The following ASB4 variants were observed in gnomAD, a reference collection of about 807,000 sequenced individuals.
ASB4 encodes ankyrin repeat and SOCS box containing 4.
ASB4 carries 35 observed loss-of-function variants against 38.6 expected under a neutral mutation model. The observed-to-expected ratio is 0.91, with a 90% confidence interval of 0.69 to 1.20. ASB4 has a LOEUF of 1.20. Among genes scored for constraint, ASB4 ranks in the 50% most tolerant of loss-of-function variants. ASB4 has a pLI of 0.00. For missense variants in ASB4, 557 were observed against 527.2 expected, an observed-to-expected ratio of 1.06 and a Z score of -0.55; for synonymous variants, 195 against 201.3, an observed-to-expected ratio of 0.97 and a Z score of 0.26.
At chr7:95,504,980 C>A (rs539439767) in intron 2 of ASB4, among the ~76,000 whole-genome samples, 1 of 152,362 alleles carries the variant, frequency 6.6e-6, no homozygotes, top group African/African-American at 2.4e-5. Context: ...GAAACACAAC[C>A]TTAAGCAGTG....
chr7:95,498,898 G>T (rs918881994), intron 2 of ASB4, among the ~76,000 whole-genome samples: 1 of 152,180 alleles, frequency 6.6e-6, no homozygotes, highest in Non-Finnish European at 1.5e-5. Context: ...TTGTTGAAAA[G>T]AATATTCTTT....
At chr7:95,517,766 G>A (rs1287405533) in intron 2 of ASB4, among the ~76,000 whole-genome samples, 1 of 152,134 alleles carries the variant, frequency 6.6e-6, no homozygotes, top group Admixed American at 6.6e-5. Flanking sequence ...AGGTTTGATG[G>A]ACTGAGGAGT....
rs528897184 is a variant in ASB4, at chr7:95,497,561, G to C, written c.487+1504G>C. ...ATTAAATCCATTTTTTAAAAAGTCAGTTTATGGAGGTATAATTTTCACTCA... is the reference window on the plus strand; with the variant it reads ...ATTAAATCCATTTTTTAAAAAGTCACTTTATGGAGGTATAATTTTCACTCA... On this transcript the variant is annotated intron_variant, in intron 2 of 4. Coordinates refer to ENST00000325885, the MANE Select transcript of ASB4 (RefSeq NM_016116.3). Among the ~76,000 whole-genome samples the C allele has an allele frequency of 7.9e-5, 12 of 152,258 alleles. No individual in the cohort carries two copies. The East Asian group carries it at 2.3e-3, about 29-fold the overall frequency.
intron 2 of ASB4, among the ~76,000 whole-genome samples, chr7:95,506,414 C>T (rs559211710): frequency 1.3e-5 from 2 of 152,206 alleles, no homozygotes; most frequent in East Asian, 3.9e-4. Flanking sequence ...CACAAGTCTT[C>T]CTAAATCTTG....
At chr7:95,528,498 G>T in intron 3 of ASB4, 195 bp downstream of exon 3, 1 of 1,432,934 alleles carries the variant, frequency 7.0e-7, no homozygotes, top group Non-Finnish European at 9.1e-7. Context: ...TTGAAATTGG[G>T]TGTGAGAGCT....
chr7:95,540,626 A>G (rs1790958747), downstream of ASB4, among the ~76,000 whole-genome samples: 1 of 152,192 alleles, frequency 6.6e-6, no homozygotes, highest in Non-Finnish European at 1.5e-5. Flanking sequence ...TTCTTAGAAA[A>G]CTTTCTGTAA....
chr7:95,515,179 T>C (rs907664713), intron 2 of ASB4, among the ~76,000 whole-genome samples: 2 of 91,568 alleles, frequency 2.2e-5, no homozygotes, highest in African/African-American at 9.7e-5. Context: ...CTTTCTTTCT[T>C]TCTTTCTTTC....
intron 2 of ASB4, among the ~76,000 whole-genome samples, chr7:95,502,100 A>T (rs983442256): frequency 7.5e-6 from 1 of 133,654 alleles, no homozygotes; most frequent in East Asian, 1.9e-4. Context: ...TAATGAGGCT[A>T]ACAACTAAAA....
chr7:95,521,796 AT>A (rs71828281), intron 2 of ASB4, among the ~76,000 whole-genome samples: 3 of 151,908 alleles, frequency 2.0e-5, no homozygotes, highest in African/African-American at 7.2e-5. Flanking sequence ...ATAATAGTAT[AT>A]TTTTTAAATG....
intron 1 of ASB4, among the ~76,000 whole-genome samples, chr7:95,479,240 C>T (rs920670036): frequency 4.6e-5 from 7 of 152,160 alleles, no homozygotes; most frequent in African/African-American, 1.7e-4. Context: ...CTCAGTCTGA[C>T]GGTCTTTCAC....
the ASB4 span, among the ~76,000 whole-genome samples, chr7:95,550,222 G>T: frequency 6.6e-6 from 1 of 152,128 alleles, no homozygotes; most frequent in African/African-American, 2.4e-5. Context: ...TTGCACAGCA[G>T]GTCTAAAAGT....
At chr7:95,485,830 A>G, upstream of ASB4, 1 of 644,324 alleles carries the variant, frequency 1.6e-6, no homozygotes. Flanking sequence ...GAAGTTTGAA[A>G]TGATCCCTAT....
the ASB4 span, among the ~76,000 whole-genome samples, chr7:95,546,490 T>C: frequency 6.6e-6 from 1 of 152,178 alleles, no homozygotes; most frequent in South Asian, 2.1e-4. Context: ...CTTATTTTGA[T>C]ATTATGTGGT....
At chr7:95,543,389 T>C (rs921310161), downstream of ASB4, 2 of 152,122 alleles carry the variant, frequency 1.3e-5, no homozygotes, top group African/African-American at 4.8e-5. Flanking sequence ...AATTAGTTTC[T>C]TTTCAGTCAC....
intron 1 of ASB4, among the ~76,000 whole-genome samples, chr7:95,495,070 C>T (rs982539158): frequency 3.3e-5 from 5 of 152,116 alleles, no homozygotes; most frequent in Non-Finnish European, 2.9e-5. Flanking sequence ...ATGTATTTGT[C>T]TTACTTTTGA....
rs1167706104 is a variant in ASB4, at chr7:95,528,049, AAAGCCG to A, written c.728_733del (p.Ala243_Glu244del). ...GGTCTGCCGCATGCTGCTTGACTAC[AAAGCCG>A]AAGTCAATGCCCGAGATGACGACTT... On this transcript the variant is annotated inframe_deletion, in exon 3 of 5. Transcript: ENST00000325885. 1 of 1,614,138 alleles carries A rather than the reference AAAGCCG, an allele frequency of 6.2e-7. No homozygotes were observed. The highest frequency in any genetic ancestry group is 1.7e-5 in the Admixed American group (1 of 60,026).
chr7:95,507,028 T>A (rs1790419347), intron 2 of ASB4, among the ~76,000 whole-genome samples: 1 of 152,182 alleles, frequency 6.6e-6, no homozygotes, highest in Non-Finnish European at 1.5e-5. Flanking sequence ...CTGTCAACTA[T>A]ATTAGAGGTT....
At chr7:95,482,877 G>A (rs548184380), upstream of ASB4, among the ~76,000 whole-genome samples, 16 of 152,208 alleles carry the variant, frequency 1.1e-4, no homozygotes, top group African/African-American at 3.4e-4. Flanking sequence ...ATGGGGGGTG[G>A]TTTAGAAACA....
Position 95,515,145 on chromosome 7 carries a change from TTTTC to T in ASB4, c.488-12654_488-12651del, listed in dbSNP as rs141602923. ...AGACAACCTCTGTCCAAGCAATTGTTTTTCTTTCTTTCTTTCTCTTTCTCTTTCT... is the reference window on the plus strand; with the variant it reads ...AGACAACCTCTGTCCAAGCAATTGTTTTTCTTTCTTTCTCTTTCTCTTTCT... On this transcript the variant is annotated intron_variant, in intron 2 of 4. Coordinates refer to ENST00000325885, the MANE Select transcript of ASB4 (RefSeq NM_016116.3). 9.8e-4 allele frequency among the ~76,000 whole-genome samples: 79 copies of T among 80,986 alleles called. 1 individual carries two copies. The highest frequency in any genetic ancestry group is 8.9e-3 in the Middle Eastern group (1 of 112). 53.1% of individuals were successfully genotyped at this position (80,986 alleles called of 152,430 possible). A position where few individuals can be genotyped will look rare whatever the true frequency, so the allele number is the denominator to read the frequency against.
Sources: gnomAD v4.1 joint callset for allele counts (sites outside exome capture counted in the v4.1 genomes callset) on GRCh38, gnomAD v4.1.1 for gene constraint, MANE v1.5 for transcripts, NCBI Gene and HGNC (gene_info 2026-07-23, HGNC 2026-07-21) for gene names.